The following PLXNA4 variants were observed in gnomAD, a reference collection of about 807,000 sequenced individuals.
The protein encoded by PLXNA4 is plexin-A4.
In PLXNA4, 44 loss-of-function variants were observed where a neutral mutation model predicts 191.8. The observed-to-expected ratio is 0.23, with a 90% confidence interval of 0.18 to 0.29. The LOEUF is 0.29. Ranked by LOEUF, PLXNA4 falls within the 10% of genes least tolerant of loss-of-function variation. The pLI is 1.00. For synonymous variants in PLXNA4, 1,082 were observed against 1,009.5 expected (o/e 1.07, Z -1.36); for missense variants, 1,800 against 2,488.8 (o/e 0.72, Z 5.89).
At chr7:132,157,777 A>G (rs912081501) in intron 25 of PLXNA4, among the ~76,000 whole-genome samples, 1 of 152,198 alleles carries the variant, frequency 6.6e-6, no homozygotes, top group Non-Finnish European at 1.5e-5. Flanking sequence ...TCCACTACCA[A>G]ACTCAATTCT....
chr7:132,319,158 G>C lies in PLXNA4; in HGVS notation c.1372-20936C>G, dbSNP rs144923920. ...TTTCCCCTAATCTAATCTAGAAAGGGGGAAACCTACTAACGTTTCCTAAGC... is the reference window on the plus strand; with the variant it reads ...TTTCCCCTAATCTAATCTAGAAAGGCGGAAACCTACTAACGTTTCCTAAGC... On this transcript the variant is annotated intron_variant, in intron 3 of 31. Transcript: ENST00000321063. Among the ~76,000 whole-genome samples, 238 of 152,214 alleles carry C rather than the reference G, an allele frequency of 1.6e-3. 2 individuals carry two copies. The highest frequency in any genetic ancestry group is 5.7e-3 in the African/African-American group (235 of 41,526).
At chr7:132,276,590 G>C (rs900449095) in intron 4 of PLXNA4, among the ~76,000 whole-genome samples, 1 of 152,054 alleles carries the variant, frequency 6.6e-6, no homozygotes, top group Non-Finnish European at 1.5e-5. Context: ...GGTTTCCCCA[G>C]AAATCTGCAG....
chr7:132,435,533 G>A (rs1234401619), intron 3 of PLXNA4, among the ~76,000 whole-genome samples: 1 of 152,162 alleles, frequency 6.6e-6, no homozygotes, highest in African/African-American at 2.4e-5. Flanking sequence ...AAGGAGGGGT[G>A]AGGCTCACAG....
chr7:132,640,617 G>T (rs1481549464), intron 2 of PLXNA4, among the ~76,000 whole-genome samples: 1 of 152,200 alleles, frequency 6.6e-6, no homozygotes, highest in African/African-American at 2.4e-5. Flanking sequence ...CACCTTGATC[G>T]TGAACTTATG....
At chr7:132,633,989 G>C (rs929369343) in intron 2 of PLXNA4, among the ~76,000 whole-genome samples, 1 of 151,208 alleles carries the variant, frequency 6.6e-6, no homozygotes, top group Non-Finnish European at 1.5e-5. Flanking sequence ...AACACACAGT[G>C]TATGGCAGAT....
At chr7:132,482,853 C>T (rs112715558) in intron 3 of PLXNA4, among the ~76,000 whole-genome samples, 5 of 152,094 alleles carry the variant, frequency 3.3e-5, no homozygotes, top group South Asian at 4.2e-4. Flanking sequence ...CCATCATGCC[C>T]GGCTAATTTT....
In PLXNA4 at chr7:132,203,485, A is replaced by G. The variant is rs569689136; in HGVS notation, c.2299-66T>C. On this transcript the variant is annotated intron_variant, in intron 10 of 31. Coordinates refer to ENST00000321063, the MANE Select transcript of PLXNA4 (RefSeq NM_020911.2). ...CACAGAGAGTTCTAGAGAGGGCCCA[A>G]ATGATCAGCCTACGGCCGTTAAGAG... 13 of 1,403,016 alleles carry G rather than the reference A, an allele frequency of 9.3e-6. No individual in the cohort carries two copies. The African/African-American group carries it at 1.6e-4, about 17-fold the overall frequency. 86.9% of individuals were successfully genotyped at this position (1,403,016 alleles called of 1,614,324 possible).
chr7:132,195,001 G>A (rs1393939068), intron 13 of PLXNA4, among the ~76,000 whole-genome samples: 1 of 151,646 alleles, frequency 6.6e-6, no homozygotes, highest in Non-Finnish European at 1.5e-5. Flanking sequence ...AGAAACTGGG[G>A]CAAAGAAAAG....
At chr7:132,476,685 G>C (rs894378371) in intron 3 of PLXNA4, among the ~76,000 whole-genome samples, 2 of 152,312 alleles carry the variant, frequency 1.3e-5, no homozygotes, top group Non-Finnish European at 2.9e-5. Context: ...GGGGTTCAGA[G>C]GGGAAGTGGG....
In PLXNA4 at chr7:132,227,872, C is replaced by T. The variant is rs375033185; in HGVS notation, c.1729-268G>A. The stretch of plus-strand genomic sequence containing the variant: ...GAAACAAGAATGCTTAAGGGATTTG[C>T]GTGGTGCCATTTTGATCAGGACTGA... On this transcript the variant is annotated intron_variant, in intron 6 of 31. Transcript: ENST00000321063. Among the ~76,000 whole-genome samples the T allele has an allele frequency of 1.3e-3, 201 of 152,198 alleles. 8 individuals are homozygous for T. In the South Asian group the frequency reaches 0.039, roughly 30 times the overall value.
intron 3 of PLXNA4, among the ~76,000 whole-genome samples, chr7:132,408,981 G>C (rs1003840902): frequency 2.6e-5 from 4 of 151,798 alleles, no homozygotes; most frequent in African/African-American, 9.7e-5. Flanking sequence ...TTGAGACTGA[G>C]AATGGGATCT....
Position 132,187,505 on chromosome 7 carries a change from C to A in PLXNA4, c.2959G>T (p.Val987Leu). 2.5e-6 allele frequency: 4 copies of A among 1,614,126 alleles called. No individual in the cohort carries two copies. The highest frequency in any genetic ancestry group is 3.4e-6 in the Non-Finnish European group (4 of 1,179,984). ...TNLNAGSNVV[V>L]MFGKQPCLFH... ...AGACAGGGCTGCTTTCCAAACATCA[C>A]CACCACGTTGCTTCCGGCATTCAGG... is the stretch of plus-strand genomic sequence containing the variant. Residue 987 changes from valine to leucine, a missense_variant, in exon 15 of 32, where the codon GTG becomes TTG. Val to Leu is a conservative substitution (Grantham distance 32, BLOSUM62 1). Around this residue, in one of 6 missense-constraint regions of PLXNA4, gnomAD observed 1,397 missense variants for 1,880.4 expected, o/e 0.74. Transcript: ENST00000321063.
chr7:132,594,358 C>T (rs1802660022), intron 2 of PLXNA4, among the ~76,000 whole-genome samples: 1 of 152,216 alleles, frequency 6.6e-6, no homozygotes, highest in Non-Finnish European at 1.5e-5. Flanking sequence ...CCCCTGGTGC[C>T]TTCAGTGGGA....
Position 132,128,282 on chromosome 7 carries a change from ATTTT to A in PLXNA4, c.*2193_*2196del, listed in dbSNP as rs1329654137. 1.3e-5 allele frequency: 2 copies of A among 151,938 alleles called. No individual in the cohort carries two copies. The highest frequency in any genetic ancestry group is 4.8e-5 in the African/African-American group (2 of 41,362). 9.4% of individuals were successfully genotyped at this position (151,938 alleles called of 1,614,324 possible). A position where few individuals can be genotyped will look rare whatever the true frequency, so the allele number is the denominator to read the frequency against. On this transcript the variant is annotated 3_prime_UTR_variant, in exon 32 of 32. Transcript: ENST00000321063. Reference sequence around the variant, plus strand: ...CACTTGCCAAAACCTTTGGTTATTTATTTTTTTTCTTCCTCTTCCAATGCATTGT... The same window carrying A: ...CACTTGCCAAAACCTTTGGTTATTTATTTTCTTCCTCTTCCAATGCATTGT...
At position 132,135,392 on chromosome 7, in the gene PLXNA4, A is replaced by G. The variant is rs372361082; in HGVS notation, c.5439-2193T>C. Among the ~76,000 whole-genome samples, 11 of 151,994 alleles carry G rather than the reference A, an allele frequency of 7.2e-5. No homozygotes were observed. The East Asian group carries it at 1.7e-3, about 24-fold the overall frequency. ...GACACAACTGTCATCAAAAGCAAAG[A>G]CTCCTGTAATTTCTCTCACCAGCTG... On this transcript the variant is annotated intron_variant, in intron 30 of 31. Coordinates refer to ENST00000321063, the MANE Select transcript of PLXNA4 (RefSeq NM_020911.2).
intron 20 of PLXNA4, among the ~76,000 whole-genome samples, chr7:132,176,624 G>C (rs1284549372): frequency 9.2e-6 from 1 of 108,946 alleles, no homozygotes; most frequent in Admixed American, 9.6e-5. Context: ...CTGCATGTGT[G>C]TGTGTATGTC....
At chr7:132,580,158 G>A (rs1563186001), upstream of PLXNA4, among the ~76,000 whole-genome samples, 1 of 152,132 alleles carries the variant, frequency 6.6e-6, no homozygotes, top group South Asian at 2.1e-4. Flanking sequence ...CAAAACACAT[G>A]TAGGGAATTA....
chr7:132,309,414 C>T (rs919233576), intron 3 of PLXNA4, among the ~76,000 whole-genome samples: 6 of 152,146 alleles, frequency 3.9e-5, no homozygotes, highest in Middle Eastern at 3.4e-3. Flanking sequence ...GGCACAGAGA[C>T]GCAGGCCAGA....
intron 1 of PLXNA4, among the ~76,000 whole-genome samples, chr7:132,565,329 G>A (rs910060179): frequency 2.0e-5 from 3 of 152,098 alleles, no homozygotes; most frequent in Non-Finnish European, 4.4e-5. Flanking sequence ...GTATTCCCTG[G>A]CCAGTATATA....
Sources: gnomAD v4.1 joint callset for allele counts (sites outside exome capture counted in the v4.1 genomes callset) on GRCh38, gnomAD v4.1.1 for gene constraint, gnomAD v4.1.1 regional missense constraint, MANE v1.5 for transcripts, NCBI Gene and HGNC (gene_info 2026-07-23, HGNC 2026-07-21) for gene names.